The following PTPRD variants were observed in gnomAD, a reference collection of about 807,000 sequenced individuals.
The protein encoded by PTPRD is protein tyrosine phosphatase receptor type D, also known as receptor-type tyrosine-protein phosphatase delta.
A neutral mutation model predicts 214.5 loss-of-function variants in PTPRD; 34 were observed. The observed-to-expected ratio is 0.16, with a 90% confidence interval of 0.12 to 0.21. PTPRD has a LOEUF of 0.21. Ranked by LOEUF, PTPRD falls within the 10% of genes least tolerant of loss-of-function variation. PTPRD has a pLI of 1.00. For missense variants in PTPRD, 2,545 were observed against 2,398.7 expected (o/e 1.06, Z -1.27); for synonymous variants, 1,128 against 845.7 (o/e 1.33, Z -5.79).
At chr9:10,306,588 A>T (rs948807247) in intron 3 of PTPRD, among the ~76,000 whole-genome samples, 9 of 152,142 alleles carry the variant, frequency 5.9e-5, no homozygotes, top group African/African-American at 2.2e-4. Flanking sequence ...AATCGAGTTT[A>T]AGTTCCCCAA....
chr9:9,569,624 T>A (rs1361939696), intron 8 of PTPRD, among the ~76,000 whole-genome samples: 1 of 151,568 alleles, frequency 6.6e-6, no homozygotes, highest in Non-Finnish European at 1.5e-5. Flanking sequence ...TTCCCAGATA[T>A]CCATAGTATA....
intron 9 of PTPRD, among the ~76,000 whole-genome samples, chr9:9,385,452 C>G (rs2063582072): frequency 6.6e-6 from 1 of 152,182 alleles, no homozygotes. Flanking sequence ...ACAGATTCTA[C>G]TTTTGCTTTA....
At chr9:8,550,406 C>A (rs2081678042) in intron 14 of PTPRD, among the ~76,000 whole-genome samples, 1 of 152,136 alleles carries the variant, frequency 6.6e-6, no homozygotes, top group Non-Finnish European at 1.5e-5. Context: ...ACTACTGCTA[C>A]TACTAGATTG....
chr9:10,370,077 A>T lies in PTPRD; in HGVS notation c.-599-29060T>A, dbSNP rs77263634. 1.5e-4 allele frequency among the ~76,000 whole-genome samples: 23 copies of T among 152,224 alleles called. No homozygotes were observed. The East Asian group carries it at 4.4e-3, about 29-fold the overall frequency. ...GACAGAGAAAGATCCAGTACATTGAATGAGGTCTTACAGCTCACAATGGAA... is the reference window on the plus strand; with the variant it reads ...GACAGAGAAAGATCCAGTACATTGATTGAGGTCTTACAGCTCACAATGGAA... On this transcript the variant is annotated intron_variant, in intron 2 of 45. Transcript: ENST00000381196.
intron 34 of PTPRD, among the ~76,000 whole-genome samples, chr9:8,439,014 C>T (rs996628523): frequency 7.9e-5 from 12 of 152,118 alleles, no homozygotes; most frequent in Non-Finnish European, 1.3e-4. Context: ...TATTCCACAT[C>T]AGAATATATA....
chr9:9,496,220 T>C (rs1167254234), intron 8 of PTPRD, among the ~76,000 whole-genome samples: 4 of 152,164 alleles, frequency 2.6e-5, no homozygotes, highest in Admixed American at 6.5e-5. Flanking sequence ...ATTTTGACTT[T>C]AGGAGAATTC....
At position 10,233,164 on chromosome 9, in the gene PTPRD, T is replaced by C. The variant is rs1050103937; in HGVS notation, c.-545+107799A>G. 1.1e-4 allele frequency among the ~76,000 whole-genome samples: 16 copies of C among 152,106 alleles called. No individual in the cohort carries two copies. The South Asian group carries it at 1.2e-3, about 12-fold the overall frequency. The stretch of plus-strand genomic sequence containing the variant: ...GGAAAATAAATAGTGTGGCTACTGT[T>C]GGTGCATTCATTTGCATATCAATGA... On this transcript the variant is annotated intron_variant, in intron 3 of 45. Transcript: ENST00000381196.
At chr9:9,224,260 A>G (rs1248039425) in intron 9 of PTPRD, among the ~76,000 whole-genome samples, 1 of 152,036 alleles carries the variant, frequency 6.6e-6, no homozygotes, top group Non-Finnish European at 1.5e-5. Flanking sequence ...AGTTTATTTT[A>G]GATAAGTTTC....
At chr9:9,758,494 T>C (rs1289064389) in intron 6 of PTPRD, among the ~76,000 whole-genome samples, 2 of 152,078 alleles carry the variant, frequency 1.3e-5, no homozygotes, top group African/African-American at 4.8e-5. Context: ...ATCTGAAGAA[T>C]CACCAAATGA....
chr9:10,241,010 C>T (rs1374832317), intron 3 of PTPRD, among the ~76,000 whole-genome samples: 1 of 117,098 alleles, frequency 8.5e-6, no homozygotes, highest in African/African-American at 2.7e-5. Flanking sequence ...ATATAAATAC[C>T]AGAGTAGAAA....
chr9:9,587,090 A>G (rs530393336), intron 7 of PTPRD, among the ~76,000 whole-genome samples: 2 of 152,116 alleles, frequency 1.3e-5, no homozygotes, highest in South Asian at 2.1e-4. Flanking sequence ...ATGTGAATAT[A>G]ATTGTTGTAA....
At chr9:8,912,864 CAG>C (rs1430240436) in intron 11 of PTPRD, among the ~76,000 whole-genome samples, 1 of 152,030 alleles carries the variant, frequency 6.6e-6, no homozygotes, top group Non-Finnish European at 1.5e-5. Flanking sequence ...ATGGTAGAAA[CAG>C]AGGTGTAAAT....
At chr9:9,858,259 T>G (rs1471225729) in intron 5 of PTPRD, among the ~76,000 whole-genome samples, 1 of 152,204 alleles carries the variant, frequency 6.6e-6, no homozygotes, top group African/African-American at 2.4e-5. Flanking sequence ...CAGACAAATG[T>G]GGACAATAAA....
chr9:9,006,021 A>G (rs1270847281), intron 11 of PTPRD, among the ~76,000 whole-genome samples: 1 of 152,034 alleles, frequency 6.6e-6, no homozygotes, highest in Non-Finnish European at 1.5e-5. Flanking sequence ...AAATTTTCTT[A>G]TCATAAATTA....
rs187327262 is a variant in PTPRD, at chr9:8,633,542, G to A, written c.211-84C>T. The A allele has an allele frequency of 1.8e-3, 2,643 of 1,452,820 alleles. 7 individuals carry two copies. Among genetic ancestry groups the A allele is most frequent in the Admixed American group, 1.8e-3 (78 of 43,474 alleles). 90.0% of individuals were successfully genotyped at this position (1,452,820 alleles called of 1,614,324 possible). A position where few individuals can be genotyped will look rare whatever the true frequency, so the allele number is the denominator to read the frequency against. On this transcript the variant is annotated intron_variant, in intron 13 of 45. Coordinates refer to ENST00000381196, the MANE Select transcript of PTPRD (RefSeq NM_002839.4). ...AAGCTCTCAATACAGTGGTGGATCC[G>A]CCATTAGGCTCATAATAAACTAGGC...
intron 4 of PTPRD, among the ~76,000 whole-genome samples, chr9:10,009,513 T>A (rs1226697003): frequency 1.3e-5 from 2 of 151,876 alleles, no homozygotes; most frequent in Non-Finnish European, 2.9e-5. Flanking sequence ...CTAGAAGCAA[T>A]AGAAAGGAGT....
At chr9:8,931,076 A>T (rs937021612) in intron 11 of PTPRD, among the ~76,000 whole-genome samples, 3 of 152,062 alleles carry the variant, frequency 2.0e-5, no homozygotes, top group Non-Finnish European at 4.4e-5. Flanking sequence ...GTTTTCTTCT[A>T]CGGTTTTTAT....
intron 11 of PTPRD, among the ~76,000 whole-genome samples, chr9:8,823,537 G>A (rs530967168): frequency 2.0e-5 from 3 of 152,218 alleles, no homozygotes; most frequent in African/African-American, 7.2e-5. Context: ...GTAAGTCCCA[G>A]CAGCTCGAGA....
At chr9:9,258,378 G>C (rs887325771) in intron 9 of PTPRD, among the ~76,000 whole-genome samples, 1 of 151,626 alleles carries the variant, frequency 6.6e-6, no homozygotes, top group Non-Finnish European at 1.5e-5. Flanking sequence ...TTTGTAATCT[G>C]TATTGCTGTT....
Sources: allele counts gnomAD v4.1 joint callset (sites outside exome capture counted in the v4.1 genomes callset), GRCh38; gene constraint gnomAD v4.1.1; transcripts MANE v1.5; gene names NCBI Gene and HGNC (gene_info 2026-07-23, HGNC 2026-07-21).